The following SECISBP2L variants were observed in gnomAD, a reference collection of about 807,000 sequenced individuals.
The protein encoded by SECISBP2L is selenocysteine insertion sequence-binding protein 2-like.
SECISBP2L carries 43 observed loss-of-function variants against 114.7 expected under a neutral mutation model. The observed-to-expected ratio is 0.38, with a 90% CI of 0.29 to 0.48. The LOEUF (loss-of-function observed/expected upper bound fraction) is 0.48, where lower values mean the gene tolerates loss of function less well. Among genes scored for constraint, SECISBP2L ranks in the 20% least tolerant of loss-of-function variants. The probability of loss-of-function intolerance (pLI) is 0.98; values close to 1 mark genes in which losing one functional copy is unlikely to be tolerated. For missense variants in SECISBP2L, 1,136 were observed against 1,301.1 expected (o/e 0.87, Z 1.95); for synonymous variants, 451 against 439.7 (o/e 1.03, Z -0.32).
intron 2 of SECISBP2L, among the ~76,000 whole-genome samples, chr15:49,036,173 G>C (rs984771230): frequency 2.6e-5 from 4 of 152,178 alleles, no homozygotes; most frequent in African/African-American, 7.2e-5. Flanking sequence ...GCCAAGTCCA[G>C]CTCTTTTCCT....
At chr15:49,045,766 T>G (rs554971474) in intron 1 of SECISBP2L, among the ~76,000 whole-genome samples, 83 of 152,306 alleles carry the variant, frequency 5.4e-4, no homozygotes, top group Non-Finnish European at 1.0e-3. Context: ...TATCGTTTCT[T>G]AAAAGAAACA....
chr15:48,993,270 G>C (rs1902026856), intron 17 of SECISBP2L, among the ~76,000 whole-genome samples: 1 of 151,978 alleles, frequency 6.6e-6, no homozygotes, highest in African/African-American at 2.4e-5. Context: ...TTACAGGTGT[G>C]AGCCACTGTG....
intron 1 of SECISBP2L, among the ~76,000 whole-genome samples, chr15:49,043,177 C>T (rs1042219145): frequency 5.3e-5 from 8 of 152,138 alleles, no homozygotes; most frequent in African/African-American, 1.7e-4. Flanking sequence ...GCCAACTATA[C>T]GTATTACTGA....
intron 6 of SECISBP2L, 93 bp from the exon 7 acceptor site, chr15:49,027,573 G>A (rs1902770309): frequency 4.7e-6 from 3 of 636,936 alleles, no homozygotes; most frequent in Non-Finnish European, 7.7e-6. Context: ...TCAGTCACTA[G>A]AAATGTAATA....
chr15:49,014,105 C>T (rs527399705), intron 11 of SECISBP2L, among the ~76,000 whole-genome samples: 2 of 152,278 alleles, frequency 1.3e-5, no homozygotes, highest in South Asian at 2.1e-4. Flanking sequence ...TCTCTTGAAA[C>T]GTACTGTCAA....
At chr15:48,993,091 CAGAG>C (rs140847057) in intron 17 of SECISBP2L, among the ~76,000 whole-genome samples, 165 bp from the exon 18 acceptor site, 2 of 140,976 alleles carry the variant, frequency 1.4e-5, no homozygotes, top group Admixed American at 1.4e-4. Context: ...TAGTTTGAGA[CAGAG>C]AGAGAGTGTG....
chr15:49,046,342 A>G lies in SECISBP2L; in HGVS notation c.-43T>C, dbSNP rs886802265. The G allele has an allele frequency of 6.7e-7, 1 of 1,486,816 alleles. No individual in the cohort carries two copies. Among genetic ancestry groups the G allele is most frequent in the Non-Finnish European group, 9.0e-7 (1 of 1,114,334 alleles). The allele number at this position is 1,486,816 out of a possible 1,614,324, so 92.1% of individuals were successfully genotyped here. On this transcript the variant is annotated 5_prime_UTR_variant, in exon 1 of 18. Coordinates refer to ENST00000559471, the MANE Select transcript of SECISBP2L (RefSeq NM_001193489.2). The stretch of plus-strand genomic sequence containing the variant: ...CGGGCCCGCGCTAGTCGGTGTAAAC[A>G]GCGCCTCGGGCCGCTTTCTCCATGG...
chr15:49,036,638 T>C (rs762192110), intron 2 of SECISBP2L, among the ~76,000 whole-genome samples: 6 of 152,230 alleles, frequency 3.9e-5, no homozygotes, highest in Non-Finnish European at 2.9e-5. Flanking sequence ...TTTAATATCA[T>C]GCTAACTTCA....
intron 2 of SECISBP2L, among the ~76,000 whole-genome samples, chr15:49,036,810 T>C (rs1463661415): frequency 1.3e-5 from 2 of 152,240 alleles, no homozygotes; most frequent in African/African-American, 4.8e-5. Flanking sequence ...CACACTAATG[T>C]GCAACAGTGG....
intron 9 of SECISBP2L, among the ~76,000 whole-genome samples, chr15:49,017,309 T>C (rs767943030): frequency 7.2e-5 from 11 of 152,180 alleles, no homozygotes; most frequent in Non-Finnish European, 1.0e-4. Context: ...ACAGACTGTA[T>C]GTTGTATGAT....
At position 49,035,283 on chromosome 15, in the gene SECISBP2L, ACTAATATAAGTAATATC is replaced by A. The variant is rs561765005; in HGVS notation, c.528+34_528+50del. 1.6e-4 allele frequency: 237 copies of A among 1,524,764 alleles called. No homozygotes were observed. In the East Asian group the frequency reaches 5.2e-3, roughly 34 times the overall value. The allele number at this position is 1,524,764 out of a possible 1,614,324, so 94.5% of individuals were successfully genotyped here. A position where few individuals can be genotyped will look rare whatever the true frequency, so the allele number is the denominator to read the frequency against. ...TCAACCCAAGTAGCAAATTGCTTATACTAATATAAGTAATATCAAATTTAAAAGCCAATCAAGACCAG... is the reference window on the plus strand; with the variant it reads ...TCAACCCAAGTAGCAAATTGCTTATAAAATTTAAAAGCCAATCAAGACCAG... On this transcript the variant is annotated intron_variant, in intron 3 of 17. Transcript: ENST00000559471.
At chr15:48,995,206 G>A (rs930010789) in intron 17 of SECISBP2L, among the ~76,000 whole-genome samples, 1 of 152,140 alleles carries the variant, frequency 6.6e-6, no homozygotes, top group Non-Finnish European at 1.5e-5. Flanking sequence ...CTTATGGCTT[G>A]CCTTTGAGAT....
chr15:49,041,474 C>A (rs1903130612), intron 1 of SECISBP2L, among the ~76,000 whole-genome samples: 1 of 152,142 alleles, frequency 6.6e-6, no homozygotes, highest in Non-Finnish European at 1.5e-5. Context: ...CTATATAATT[C>A]AACAAACGTG....
At chr15:48,997,235 G>C (rs1461466479) in intron 16 of SECISBP2L, among the ~76,000 whole-genome samples, 1 of 152,212 alleles carries the variant, frequency 6.6e-6, no homozygotes, top group Non-Finnish European at 1.5e-5. Flanking sequence ...ATCTGGGTTA[G>C]AATATAAAGG....
intron 1 of SECISBP2L, 70 bp from the exon 2 acceptor site, chr15:49,037,839 A>C: frequency 3.0e-6 from 4 of 1,341,546 alleles, no homozygotes; most frequent in Non-Finnish European, 4.1e-6. Context: ...AAAATTTAAC[A>C]ACAGAAGAGT....
At position 48,992,483 on chromosome 15, in the gene SECISBP2L, C is replaced by G. The variant is rs1453313613; in HGVS notation, c.3067G>C (p.Glu1023Gln). ...AGGGTTTCCATAGTTCTCTGGGTCTCTGAGACCCAAGACTCAATTCTACTA... is the reference window on the plus strand; with the variant it reads ...AGGGTTTCCATAGTTCTCTGGGTCTGTGAGACCCAAGACTCAATTCTACTA... ...LNSRIESWVS[E>Q]TQRTMETLQL... Residue 1023 changes from glutamate to glutamine, a missense_variant, in exon 18 of 18, where the codon GAG becomes CAG. This residue lies in a region of SECISBP2L where 684 missense variants were observed against 848.7 expected (regional missense o/e 0.81). Coordinates refer to ENST00000559471, the MANE Select transcript of SECISBP2L (RefSeq NM_001193489.2). The G allele has an allele frequency of 6.2e-7, 1 of 1,614,190 alleles. No homozygotes were observed. Among genetic ancestry groups the G allele is most frequent in the Non-Finnish European group, 8.5e-7 (1 of 1,180,042 alleles).
chr15:49,008,506 T>C (rs867915287), intron 14 of SECISBP2L, among the ~76,000 whole-genome samples: 2 of 152,222 alleles, frequency 1.3e-5, no homozygotes, highest in Non-Finnish European at 2.9e-5. Context: ...ACATCTGTGA[T>C]TTGACATTTA....
chr15:49,012,864 C>T (rs1595787241), intron 11 of SECISBP2L, 47 bp from the exon 12 acceptor site: 3 of 1,553,174 alleles, frequency 1.9e-6, no homozygotes, highest in South Asian at 1.2e-5. Context: ...GCCAATCCCA[C>T]ATACTTTCAA....
chr15:49,025,539 A>G (rs1481643746), intron 7 of SECISBP2L, among the ~76,000 whole-genome samples: 1 of 152,204 alleles, frequency 6.6e-6, no homozygotes, highest in Non-Finnish European at 1.5e-5. Context: ...TACTTGTGGT[A>G]TCATGGCACT....
Sources: allele counts gnomAD v4.1 joint callset (sites outside exome capture counted in the v4.1 genomes callset), GRCh38; gene constraint gnomAD v4.1.1; regional missense constraint gnomAD v4.1.1; transcripts MANE v1.5; gene names NCBI Gene and HGNC (gene_info 2026-07-23, HGNC 2026-07-21).